Variants in ASIC2 observed in about 807,000 individuals in gnomAD.
ASIC2 encodes the protein acid sensing ion channel subunit 2.
In ASIC2, 25 loss-of-function variants were observed where a neutral mutation model predicts 57.3. That is an observed-to-expected ratio of 0.44 (90% CI 0.32 to 0.61). The LOEUF (loss-of-function observed/expected upper bound fraction) is 0.61. Among genes scored for constraint, ASIC2 ranks in the 20% least tolerant of loss-of-function variants. The pLI is 0.06. For missense variants in ASIC2, 641 were observed against 738.1 expected, an observed-to-expected ratio of 0.87 and a Z score of 1.52; for synonymous variants, 319 against 307.5, an observed-to-expected ratio of 1.04 and a Z score of -0.39.
At chr17:33,534,810 T>A (rs1303763828) in intron 1 of ASIC2, among the ~76,000 whole-genome samples, 1 of 152,240 alleles carries the variant, frequency 6.6e-6, no homozygotes, top group Non-Finnish European at 1.5e-5. Flanking sequence ...TCTTACTATT[T>A]GGCCTCATTC....
At chr17:33,734,305 C>T (rs1909844442) in intron 1 of ASIC2, among the ~76,000 whole-genome samples, 1 of 152,054 alleles carries the variant, frequency 6.6e-6, no homozygotes, top group South Asian at 2.1e-4. Context: ...CCAGCCTTTC[C>T]TCCCCTGTGA....
intron 1 of ASIC2, among the ~76,000 whole-genome samples, chr17:33,211,535 T>C (rs1022453021): frequency 9.6e-5 from 11 of 115,106 alleles, no homozygotes; most frequent in African/African-American, 4.9e-4. Context: ...TCTCTTTAAA[T>C]GAAAAAAAAA....
At chr17:33,312,517 C>A (rs553268707) in intron 1 of ASIC2, among the ~76,000 whole-genome samples, 1 of 152,124 alleles carries the variant, frequency 6.6e-6, no homozygotes, top group Admixed American at 6.5e-5. Flanking sequence ...ACTTAAGGTC[C>A]GCAAGATCAA....
chr17:33,163,413 T>C (rs1905216778), intron 1 of ASIC2, among the ~76,000 whole-genome samples: 1 of 151,934 alleles, frequency 6.6e-6, no homozygotes, highest in Non-Finnish European at 1.5e-5. Flanking sequence ...GCCTGCACTC[T>C]GAGACCCTTC....
At chr17:33,251,842 A>G (rs188133985) in intron 1 of ASIC2, among the ~76,000 whole-genome samples, 22 of 152,286 alleles carry the variant, frequency 1.4e-4, no homozygotes, top group Non-Finnish European at 7.4e-5. Context: ...AGTTGTTTCT[A>G]AAGGCAAAAA....
intron 1 of ASIC2, among the ~76,000 whole-genome samples, chr17:33,658,958 G>A (rs536312575): frequency 1.2e-4 from 18 of 152,224 alleles, no homozygotes; most frequent in African/African-American, 2.6e-4. Context: ...AGCTGAGATC[G>A]CGCCACTGCA....
rs534239940 is a variant in ASIC2, at chr17:34,019,786, A to T, written c.555+136192T>A. ...ATCAAACCCACAATATCTCCAAAGT[A>T]TGACTGTATTTGTCATGATTCTGAG... On this transcript the variant is annotated intron_variant, in intron 1 of 9. Transcript: ENST00000359872. Among the ~76,000 whole-genome samples, 6 of 152,314 alleles carry T rather than the reference A, an allele frequency of 3.9e-5. No homozygotes were observed. The East Asian group carries it at 7.7e-4, about 20-fold the overall frequency.
At chr17:33,874,650 C>T (rs1447223336) in intron 1 of ASIC2, among the ~76,000 whole-genome samples, 2 of 152,172 alleles carry the variant, frequency 1.3e-5, no homozygotes, top group Admixed American at 1.3e-4. Context: ...TTTCTTCATA[C>T]CCCAAACATC....
At chr17:33,431,496 CA>C (rs1340181372) in intron 1 of ASIC2, among the ~76,000 whole-genome samples, 4 of 152,058 alleles carry the variant, frequency 2.6e-5, no homozygotes, top group Non-Finnish European at 4.4e-5. Context: ...CCCAGCTACT[CA>C]GGGGGGCTGA....
At chr17:34,066,149 T>C (rs1283426126) in intron 1 of ASIC2, among the ~76,000 whole-genome samples, 1 of 152,174 alleles carries the variant, frequency 6.6e-6, no homozygotes, top group African/African-American at 2.4e-5. Flanking sequence ...GGGGAAGGCC[T>C]GACTTAAGGA....
intron 2 of ASIC2, among the ~76,000 whole-genome samples, chr17:33,097,972 A>G: frequency 6.6e-6 from 1 of 152,210 alleles, no homozygotes; most frequent in Non-Finnish European, 1.5e-5. Flanking sequence ...CTGAAATCAC[A>G]GAGACCTGCT....
rs558228990 is a variant in ASIC2, at chr17:33,195,529, A to AT, written c.709-83463dup. ...ATTGTACAAATTTTTATTTAATTTT[A>AT]TTTTTTGATCATGTATAGTAAATGG... is the stretch of plus-strand genomic sequence containing the variant. On this transcript the variant is annotated intron_variant, in intron 1 of 9. Transcript: ENST00000225823. Among the ~76,000 whole-genome samples, 492 of 152,294 alleles carry AT rather than the reference A, an allele frequency of 3.2e-3. 2 individuals carry two copies. Among genetic ancestry groups the AT allele is most frequent in the Non-Finnish European group, 4.4e-3 (301 of 68,014 alleles).
intron 1 of ASIC2, among the ~76,000 whole-genome samples, chr17:33,734,525 A>C (rs1909852175): frequency 6.6e-6 from 1 of 151,922 alleles, no homozygotes; most frequent in Non-Finnish European, 1.5e-5. Flanking sequence ...ATCTCATCTC[A>C]TTTCCTACCT....
At chr17:33,659,870 TCAAATAAATAAA>T (rs2142043817) in intron 1 of ASIC2, among the ~76,000 whole-genome samples, 1 of 97,778 alleles carries the variant, frequency 1.0e-5, no homozygotes, top group East Asian at 3.1e-4. Flanking sequence ...AGACTCTGTC[TCAAATAAATAAA>T]TAAATAAATA....
chr17:34,023,670 A>C (rs920367271), intron 1 of ASIC2, among the ~76,000 whole-genome samples: 19 of 152,160 alleles, frequency 1.2e-4, no homozygotes, highest in Non-Finnish European at 2.6e-4. Flanking sequence ...GTGCAGCATC[A>C]AGGTGCCATC....
intron 1 of ASIC2, among the ~76,000 whole-genome samples, chr17:33,343,083 G>A (rs1055300515): frequency 6.6e-6 from 1 of 152,228 alleles, no homozygotes; most frequent in Admixed American, 6.5e-5. Context: ...GGGAATAGGA[G>A]CGAGCAATCC....
intron 1 of ASIC2, among the ~76,000 whole-genome samples, chr17:33,651,570 C>T: frequency 6.6e-6 from 1 of 152,162 alleles, no homozygotes; most frequent in East Asian, 1.9e-4. Flanking sequence ...TCTAGTGAAG[C>T]CTCAGAGAGC....
At chr17:33,644,398 A>G (rs1015407873) in intron 1 of ASIC2, among the ~76,000 whole-genome samples, 5 of 152,078 alleles carry the variant, frequency 3.3e-5, no homozygotes, top group African/African-American at 1.2e-4. Flanking sequence ...TTCTCTGTCA[A>G]TCCTTATAGG....
chr17:33,081,879 C>G (rs949882238), intron 3 of ASIC2, among the ~76,000 whole-genome samples: 21 of 152,322 alleles, frequency 1.4e-4, no homozygotes, highest in South Asian at 2.1e-4. Flanking sequence ...TAGGAGCCAA[C>G]TGGTCCTGCC....
Sources: gnomAD v4.1 joint callset for allele counts (sites outside exome capture counted in the v4.1 genomes callset) on GRCh38, gnomAD v4.1.1 for gene constraint, MANE v1.5 for transcripts, NCBI Gene and HGNC (gene_info 2026-07-23, HGNC 2026-07-21) for gene names.